Variants in SLC27A6 observed in about 807,000 individuals in gnomAD.
The protein encoded by SLC27A6 is long-chain fatty acid transport protein 6.
SLC27A6 carries 74 observed loss-of-function variants against 63.9 expected under a neutral mutation model. The ratio of observed to expected loss-of-function variants is 1.16; its 90% CI spans 0.96 to 1.40. SLC27A6 has a LOEUF of 1.40. Ranked by LOEUF, SLC27A6 falls within the 40% of genes most tolerant of loss-of-function variation. SLC27A6 has a pLI of 0.00. For missense variants in SLC27A6, 794 were observed against 732.9 expected (o/e 1.08, Z -0.96); for synonymous variants, 287 against 260.8 (o/e 1.10, Z -0.97).
At chr5:129,024,676 T>C (rs1752179136) in intron 6 of SLC27A6, among the ~76,000 whole-genome samples, 1 of 152,136 alleles carries the variant, frequency 6.6e-6, no homozygotes, top group South Asian at 2.1e-4. Context: ...CTGCATATAA[T>C]CAAATTAGAA....
At chr5:129,009,001 G>A (rs80036160) in intron 4 of SLC27A6, among the ~76,000 whole-genome samples, 21,090 of 151,346 alleles carry the variant, frequency 0.14, 1,786 homozygotes, top group East Asian at 0.22. Flanking sequence ...TGAGTAGCTG[G>A]GACTACAGGT....
At chr5:128,991,018 G>T (rs1023783176) in intron 4 of SLC27A6, among the ~76,000 whole-genome samples, 5 of 152,198 alleles carry the variant, frequency 3.3e-5, no homozygotes, top group African/African-American at 1.2e-4. Flanking sequence ...AGAGTATGCA[G>T]TTGCAAGATT....
In SLC27A6 at chr5:129,023,671, A is replaced by C. The variant is rs780111480; in HGVS notation, c.1216A>C (p.Met406Leu). 27 of 1,610,726 alleles carry C rather than the reference A, an allele frequency of 1.7e-5. No homozygotes were observed. Residue 406 changes from methionine to leucine, a missense_variant, in exon 6 of 10, where the codon ATG becomes CTG. Physicochemically the swap from Met to Leu is conservative, Grantham distance 15 (BLOSUM62 2). Coordinates refer to ENST00000262462, the MANE Select transcript of SLC27A6 (RefSeq NM_001017372.3). The part of the protein sequence containing the change: ...IKYDFQKDEP[M>L]RNEQGWCIHV... ...GTATGACTTTCAGAAAGATGAACCCATGAGAAATGAGCAGGGTTGGTGTAT... is the reference window on the plus strand; with the variant it reads ...GTATGACTTTCAGAAAGATGAACCCCTGAGAAATGAGCAGGGTTGGTGTAT...
intron 1 of SLC27A6, among the ~76,000 whole-genome samples, chr5:128,980,173 C>A (rs556659761): frequency 6.6e-6 from 1 of 152,254 alleles, no homozygotes; most frequent in African/African-American, 2.4e-5. Flanking sequence ...ATGTCCTCAT[C>A]ATCATCATCA....
intron 6 of SLC27A6, 64 bp from the exon 7 acceptor site, chr5:129,027,069 A>G: frequency 5.4e-6 from 7 of 1,304,896 alleles, no homozygotes; most frequent in Non-Finnish European, 7.8e-6. Flanking sequence ...ATATAGATAC[A>G]TTCATGGTGT....
At position 129,016,198 on chromosome 5, in the gene SLC27A6, C is replaced by T. The variant is rs368186651; in HGVS notation, c.1164+119C>T. 6.4e-5 allele frequency: 41 copies of T among 644,488 alleles called. No homozygotes were observed. In the East Asian group the frequency reaches 1.1e-3, roughly 17 times the overall value. 39.9% of individuals were successfully genotyped at this position (644,488 alleles called of 1,614,324 possible). Reference sequence around the variant, plus strand: ...ATGAGGTCAGGAGATCGAGACCATCCTGGCCAACACAGTGAAACCCTGTCT... The same window carrying T: ...ATGAGGTCAGGAGATCGAGACCATCTTGGCCAACACAGTGAAACCCTGTCT... On this transcript the variant is annotated intron_variant, in intron 5 of 9. Coordinates refer to ENST00000262462, the MANE Select transcript of SLC27A6 (RefSeq NM_001017372.3).
chr5:129,023,476 A>T, intron 5 of SLC27A6, 144 bp from the exon 6 acceptor site: 1 of 509,720 alleles, frequency 2.0e-6, no homozygotes. Flanking sequence ...TGTCTTCAGT[A>T]AAAGTTGTTT....
intron 4 of SLC27A6, among the ~76,000 whole-genome samples, chr5:128,992,564 A>G (rs1303527526): frequency 6.6e-6 from 1 of 152,228 alleles, no homozygotes; most frequent in Admixed American, 6.5e-5. Flanking sequence ...ATTCATAGCC[A>G]AGACAAAGAG....
chr5:128,985,689 G>A (rs1311921086), intron 2 of SLC27A6, among the ~76,000 whole-genome samples: 1 of 152,104 alleles, frequency 6.6e-6, no homozygotes, highest in Non-Finnish European at 1.5e-5. Context: ...TAGCTTCTCT[G>A]ATCCTCAAAT....
In SLC27A6 at chr5:129,012,044, G is replaced by A. The variant is rs58114997; in HGVS notation, c.970-3841G>A. Among the ~76,000 whole-genome samples, 1,176 of 151,372 alleles carry A rather than the reference G, an allele frequency of 7.8e-3. 21 individuals carry two copies. Among genetic ancestry groups the A allele is most frequent in the African/African-American group, 0.027 (1,124 of 41,276 alleles). ...GGTGTAAGTATATGCACATACATAC[G>A]TGTATTATATAAATATATATCAAAC... On this transcript the variant is annotated intron_variant, in intron 4 of 9. Transcript: ENST00000262462.
At position 129,017,881 on chromosome 5, in the gene SLC27A6, T is replaced by TAATGAGC. The variant is rs1409164647; in HGVS notation, c.1164+1807_1164+1808insGCAATGA. 2.0e-5 allele frequency among the ~76,000 whole-genome samples: 3 copies of TAATGAGC among 152,162 alleles called. No homozygotes were observed. In the South Asian group the frequency reaches 6.2e-4, roughly 31 times the overall value. On this transcript the variant is annotated intron_variant, in intron 5 of 9. Coordinates refer to ENST00000262462, the MANE Select transcript of SLC27A6 (RefSeq NM_001017372.3). ...TTTCAGATAGCTTTCCCACTCAGGA[T>TAATGAGC]AATGAATATTCAAAGAGCAAATAAT... is the stretch of plus-strand genomic sequence containing the variant.
At chr5:129,016,856 A>G (rs1428776694) in intron 5 of SLC27A6, among the ~76,000 whole-genome samples, 1 of 152,166 alleles carries the variant, frequency 6.6e-6, no homozygotes, top group Non-Finnish European at 1.5e-5. Context: ...AAATAAACCA[A>G]CTTTTTAGGA....
Position 128,988,686 on chromosome 5 carries a change from A to T in SLC27A6, c.772A>T (p.Ile258Phe), listed in dbSNP as rs1479998896. Residue 258 changes from isoleucine (I) to phenylalanine (F), a missense_variant, in exon 3 of 10, where the codon ATT (isoleucine) becomes TTT (phenylalanine). Transcript: ENST00000262462. The stretch of plus-strand genomic sequence containing the variant: ...GGCTTTTGGTTGTACTGCTCATGAC[A>T]TTGTTTATATAACCCTTCCTCTGTA... ...LWAFGCTAHD[I>F]VYITLPLYHS... 4.3e-6 allele frequency: 7 copies of T among 1,613,656 alleles called. No homozygotes were observed. Among genetic ancestry groups the T allele is most frequent in the East Asian group, 2.2e-5 (1 of 44,842 alleles).
chr5:128,987,687 G>T lies in SLC27A6; in HGVS notation c.686-913G>T, dbSNP rs1750836246. 5.9e-5 allele frequency among the ~76,000 whole-genome samples: 9 copies of T among 152,176 alleles called. No homozygotes were observed. The South Asian group carries it at 1.9e-3, about 32-fold the overall frequency. ...AATCTCTCAAAAAGTAAAGCAAAAG[G>T]TAAGAGAAGGAAAACAGGATAGGCA... On this transcript the variant is annotated intron_variant, in intron 2 of 9. Transcript: ENST00000262462.
At chr5:128,990,731 C>G (rs969004455) in intron 4 of SLC27A6, among the ~76,000 whole-genome samples, 2 of 152,098 alleles carry the variant, frequency 1.3e-5, no homozygotes, top group Admixed American at 1.3e-4. Context: ...TGTTATAGCT[C>G]TATTAGAAGC....
chr5:128,992,639 G>A (rs191988793), intron 4 of SLC27A6, among the ~76,000 whole-genome samples: 301 of 152,288 alleles, frequency 2.0e-3, no homozygotes, highest in Admixed American at 4.8e-3. Flanking sequence ...CCTCAGGTAA[G>A]GGAGGTAGTC....
chr5:129,032,695 A>G (rs1486151840), intron 9 of SLC27A6, among the ~76,000 whole-genome samples: 1 of 151,948 alleles, frequency 6.6e-6, no homozygotes, highest in African/African-American at 2.4e-5. Flanking sequence ...TCTGGCTCTT[A>G]TAGTATTCTG....
intron 4 of SLC27A6, among the ~76,000 whole-genome samples, chr5:128,991,220 C>G (rs1283849066): frequency 1.3e-5 from 2 of 152,066 alleles, no homozygotes; most frequent in East Asian, 3.9e-4. Context: ...TCTTTATGAC[C>G]TGATTGGCCG....
In SLC27A6 at chr5:128,966,478, A is replaced by G. The variant is rs748347587; in HGVS notation, c.341A>G (p.Asn114Ser). The G allele has an allele frequency of 2.7e-5, 44 of 1,609,164 alleles. No individual in the cohort carries two copies. The South Asian group carries it at 3.3e-4, about 12-fold the overall frequency. The change falls in exon 1 of 10, where the codon AAT (asparagine) becomes AGT (serine). Residue 114 changes from asparagine (N) to serine (S), a missense_variant. Transcript: ENST00000262462. The part of the protein sequence containing the change: ...KGDTVALLMS[N>S]EPDFVHVWFG... ...GACACGGTGGCTCTGCTGATGAGCA[A>G]TGAGCCGGACTTCGTTCACGTGTGG...
Sources: gnomAD v4.1 joint callset for allele counts (sites outside exome capture counted in the v4.1 genomes callset) on GRCh38, gnomAD v4.1.1 for gene constraint, MANE v1.5 for transcripts, NCBI Gene and HGNC (gene_info 2026-07-23, HGNC 2026-07-21) for gene names.